CALD1: variants seen among roughly 807,000 people sequenced by gnomAD.
CALD1 encodes the protein caldesmon 1, also known as caldesmon.
Under a neutral mutation model 99.9 loss-of-function variants are expected in CALD1, and 33 were observed. The observed-to-expected ratio is 0.33, with a 90% CI of 0.25 to 0.44. The LOEUF (loss-of-function observed/expected upper bound fraction) is 0.44, where lower values mean the gene tolerates loss of function less well. Ranked by LOEUF, CALD1 falls within the 20% of genes least tolerant of loss-of-function variation. The pLI, the probability that CALD1 is intolerant of heterozygous loss-of-function variation, is 1.00. For synonymous variants in CALD1, 310 were observed against 325.0 expected (o/e 0.95, Z 0.50); for missense variants, 861 against 962.1 (o/e 0.89, Z 1.39).
At chr7:134,899,745 G>A (rs1019583211) in intron 3 of CALD1, 8 of 152,434 alleles carry the variant, frequency 5.2e-5, no homozygotes, top group Non-Finnish European at 1.2e-4. Context: ...CTGGGCTCAA[G>A]CAATCTTCCC....
the CALD1 span, among the ~76,000 whole-genome samples, chr7:134,722,888 T>C: frequency 6.6e-6 from 1 of 152,138 alleles, no homozygotes; most frequent in Admixed American, 6.5e-5. Flanking sequence ...TTTAGGAAAA[T>C]GGGACTCACA....
intron 1 of CALD1, among the ~76,000 whole-genome samples, chr7:134,756,952 G>A (rs10282404): frequency 0.63 from 95,317 of 151,992 alleles, 30,498 homozygotes; most frequent in East Asian, 0.97. Flanking sequence ...CTTGAAAACC[G>A]CCACTTACGC....
At chr7:134,936,553 G>A (rs1042946687) in intron 6 of CALD1, among the ~76,000 whole-genome samples, 14 of 152,292 alleles carry the variant, frequency 9.2e-5, no homozygotes, top group African/African-American at 1.9e-4. Context: ...GAAGTTCTTC[G>A]CCTATGAGAC....
the CALD1 span, among the ~76,000 whole-genome samples, chr7:134,736,076 G>C: frequency 6.6e-6 from 1 of 152,168 alleles, no homozygotes; most frequent in East Asian, 1.9e-4. Flanking sequence ...GAGCCTCATT[G>C]CTTCCTGCAT....
chr7:134,762,986 G>C (rs2131600860), intron 1 of CALD1, among the ~76,000 whole-genome samples: 1 of 152,298 alleles, frequency 6.6e-6, no homozygotes, highest in South Asian at 2.1e-4. Flanking sequence ...ATACAGAAAT[G>C]AGTACTTGCT....
intron 2 of CALD1, among the ~76,000 whole-genome samples, chr7:134,857,864 C>T (rs1800383232): frequency 6.6e-6 from 1 of 152,158 alleles, no homozygotes; most frequent in African/African-American, 2.4e-5. Flanking sequence ...TCAGTAACAG[C>T]TTGTCCTTCA....
At chr7:134,716,781 T>C in the CALD1 span, among the ~76,000 whole-genome samples, 1 of 152,234 alleles carries the variant, frequency 6.6e-6, no homozygotes. Flanking sequence ...TAAGGAATAG[T>C]ATTTATACTG....
chr7:134,834,125 C>A (rs1275008197), intron 1 of CALD1, among the ~76,000 whole-genome samples: 1 of 152,220 alleles, frequency 6.6e-6, no homozygotes, highest in Non-Finnish European at 1.5e-5. Flanking sequence ...GTGATCAGAA[C>A]TCCACATAGA....
Position 134,969,095 on chromosome 7 carries a change from A to G in CALD1, c.*750A>G, listed in dbSNP as rs1808878036. ...GGTAGAATGCTTTTTTATGTGCTAG[A>G]CTATTATATTTAGTAGTATGTCATT... On this transcript the variant is annotated 3_prime_UTR_variant, in exon 15 of 15. Coordinates refer to ENST00000361675, the MANE Select transcript of CALD1 (RefSeq NM_033138.4). 1 of 153,728 alleles carries G rather than the reference A, an allele frequency of 6.5e-6. No homozygotes were observed. The highest frequency in any genetic ancestry group is 2.0e-4 in the South Asian group (1 of 4,922). 9.5% of individuals were successfully genotyped at this position (153,728 alleles called of 1,614,324 possible).
chr7:134,795,969 G>C (rs1797730662), intron 1 of CALD1, among the ~76,000 whole-genome samples: 1 of 151,968 alleles, frequency 6.6e-6, no homozygotes, highest in African/African-American at 2.4e-5. Context: ...GAGTTTGAGA[G>C]TTATTTTTGT....
At chr7:134,961,155 A>C (rs1808234369) in intron 13 of CALD1, 1 of 152,260 alleles carries the variant, frequency 6.6e-6, no homozygotes, top group South Asian at 2.1e-4. Flanking sequence ...TCCTGAGGAA[A>C]GTCATAAAAC....
the CALD1 span, among the ~76,000 whole-genome samples, chr7:134,713,501 TTTC>T: frequency 6.6e-6 from 1 of 152,242 alleles, no homozygotes; most frequent in Non-Finnish European, 1.5e-5. Flanking sequence ...CTAAGCAGGA[TTTC>T]TCAGACTGTG....
chr7:134,834,421 G>C (rs916797731), intron 1 of CALD1, among the ~76,000 whole-genome samples: 1 of 152,138 alleles, frequency 6.6e-6, no homozygotes, highest in African/African-American at 2.4e-5. Flanking sequence ...AAAATAACCA[G>C]CTCCTGCTAA....
chr7:134,731,876 A>C, the CALD1 span, among the ~76,000 whole-genome samples: 4,073 of 152,266 alleles, frequency 0.027, 161 homozygotes, highest in African/African-American at 0.093. Flanking sequence ...TGCTGATCTT[A>C]ATGGGTTTCA....
intron 3 of CALD1, among the ~76,000 whole-genome samples, chr7:134,913,951 G>C (rs1211814639): frequency 6.6e-6 from 1 of 152,098 alleles, no homozygotes; most frequent in African/African-American, 2.4e-5. Context: ...AAAGAAAACA[G>C]GTATAGGAAC....
chr7:134,947,175 G>A (rs1342554851), intron 7 of CALD1, among the ~76,000 whole-genome samples: 1 of 152,180 alleles, frequency 6.6e-6, no homozygotes, highest in Non-Finnish European at 1.5e-5. Flanking sequence ...AAGTGTATCA[G>A]AAGTGGGATT....
At chr7:134,941,279 CAAAGAA>C in intron 7 of CALD1, 42 bp downstream of exon 7, 1 of 1,385,736 alleles carries the variant, frequency 7.2e-7, no homozygotes. Flanking sequence ...TGTTCACATG[CAAAGAA>C]AAAAAAAAAA....
intron 3 of CALD1, among the ~76,000 whole-genome samples, chr7:134,926,732 G>C (rs530659756): frequency 7.1e-4 from 108 of 152,262 alleles, no homozygotes; most frequent in African/African-American, 2.6e-3. Context: ...GGTATAAGTA[G>C]TATGGTTCTA....
the CALD1 span, among the ~76,000 whole-genome samples, chr7:134,716,054 G>T: frequency 6.6e-6 from 1 of 152,122 alleles, no homozygotes; most frequent in Non-Finnish European, 1.5e-5. Context: ...GTCTGCTGCA[G>T]CCATACAATG....
Sources: gnomAD v4.1 joint callset for allele counts (sites outside exome capture counted in the v4.1 genomes callset) on GRCh38, gnomAD v4.1.1 for gene constraint, MANE v1.5 for transcripts, NCBI Gene and HGNC (gene_info 2026-07-23, HGNC 2026-07-21) for gene names.